TGFBRAP1: variants seen among roughly 807,000 people sequenced by gnomAD.
TGFBRAP1 encodes transforming growth factor-beta receptor-associated protein 1.
In TGFBRAP1, 20 loss-of-function variants were observed where a neutral mutation model predicts 83.2. The ratio of observed to expected loss-of-function variants is 0.24; its 90% CI spans 0.17 to 0.35. The LOEUF (loss-of-function observed/expected upper bound fraction) is 0.35. TGFBRAP1 is among the 10% of genes least tolerant of loss of function. TGFBRAP1 has a pLI of 1.00. For missense variants in TGFBRAP1, 950 were observed against 1,099.4 expected, an observed-to-expected ratio of 0.86 and a Z score of 1.92; for synonymous variants, 415 against 459.8, an observed-to-expected ratio of 0.90 and a Z score of 1.25.
At chr2:105,308,435 C>A in intron 1 of TGFBRAP1, 117 bp from the exon 2 acceptor site, 1 of 1,089,214 alleles carries the variant, frequency 9.2e-7, no homozygotes, top group Non-Finnish European at 1.3e-6. Context: ...AGTCATTCCA[C>A]GCTATCAAAA....
intron 1 of TGFBRAP1, among the ~76,000 whole-genome samples, chr2:105,314,151 A>C (rs1187801177): frequency 6.6e-6 from 1 of 152,074 alleles, no homozygotes; most frequent in African/African-American, 2.4e-5. Context: ...AAGCTAAGGA[A>C]TGTCTGAAGT....
At position 105,317,394 on chromosome 2, in the gene TGFBRAP1, G is replaced by A. The variant is rs563292592; in HGVS notation, c.-17-9076C>T. Among the ~76,000 whole-genome samples, 27 of 150,396 alleles carry A rather than the reference G, an allele frequency of 1.8e-4. No individual in the cohort carries two copies. The South Asian group carries it at 5.4e-3, about 30-fold the overall frequency. On this transcript the variant is annotated intron_variant, in intron 1 of 11. Coordinates refer to ENST00000393359, the MANE Select transcript of TGFBRAP1 (RefSeq NM_004257.6). ...GGAGATTGCAGTGAGCCAAGATCGT[G>A]CCACTGCACTCCAGCCTGGCGACAG...
At chr2:105,268,829 G>A (rs543604833) in intron 11 of TGFBRAP1, among the ~76,000 whole-genome samples, 75 of 152,324 alleles carry the variant, frequency 4.9e-4, no homozygotes, top group African/African-American at 1.7e-3. Flanking sequence ...GGCAGCTCTG[G>A]GCACGCCCAT....
chr2:105,301,870 G>T (rs981390320), intron 2 of TGFBRAP1, among the ~76,000 whole-genome samples: 5 of 151,976 alleles, frequency 3.3e-5, no homozygotes, highest in African/African-American at 9.7e-5. Context: ...TCCTGTGGCT[G>T]GGACCACAAG....
intron 1 of TGFBRAP1, among the ~76,000 whole-genome samples, chr2:105,321,702 A>C (rs1679073247): frequency 6.6e-6 from 1 of 152,212 alleles, no homozygotes; most frequent in South Asian, 2.1e-4. Flanking sequence ...TGGTCCCATA[A>C]GGTTATAATG....
rs1678095392 is a variant in TGFBRAP1, at chr2:105,296,541, G to A, written c.884-31C>T. The stretch of plus-strand genomic sequence containing the variant: ...AAGAAATTCAGCATTGTTGGAAAGA[G>A]AAAAAACACACTGCCTGCAAAAAAA... On this transcript the variant is annotated intron_variant, in intron 3 of 11. Coordinates refer to ENST00000393359, the MANE Select transcript of TGFBRAP1 (RefSeq NM_004257.6). 3.2e-6 allele frequency: 5 copies of A among 1,586,748 alleles called. No individual in the cohort carries two copies. The Middle Eastern group carries it at 5.1e-4, about 160-fold the overall frequency.
At chr2:105,289,208 T>TG (rs140069048) in intron 4 of TGFBRAP1, among the ~76,000 whole-genome samples, 23,518 of 148,956 alleles carry the variant, frequency 0.16, 2,286 homozygotes, top group South Asian at 0.24. Context: ...AAAAAAAAAG[T>TG]GGGGGGGTGC....
intron 4 of TGFBRAP1, 85 bp downstream of exon 4, chr2:105,296,271 G>T: frequency 6.5e-7 from 1 of 1,529,324 alleles, no homozygotes; most frequent in South Asian, 1.2e-5. Flanking sequence ...CGGTACACAG[G>T]AAGGGCCGAT....
intron 1 of TGFBRAP1, among the ~76,000 whole-genome samples, chr2:105,318,469 C>T (rs372230486): frequency 1.3e-5 from 2 of 152,060 alleles, no homozygotes; most frequent in Non-Finnish European, 2.9e-5. Context: ...AAAATATACA[C>T]GTACATGTAG....
intron 4 of TGFBRAP1, among the ~76,000 whole-genome samples, chr2:105,293,439 A>C (rs1414359823): frequency 6.6e-6 from 1 of 152,192 alleles, no homozygotes; most frequent in Non-Finnish European, 1.5e-5. Context: ...ACTTCTTGAC[A>C]AACCCCTTGC....
intron 4 of TGFBRAP1, among the ~76,000 whole-genome samples, chr2:105,287,327 C>T (rs1266410702): frequency 6.6e-6 from 1 of 152,140 alleles, no homozygotes; most frequent in Non-Finnish European, 1.5e-5. Flanking sequence ...CACAGAACTA[C>T]ACACTTAAAA....
At chr2:105,259,934 A>G (rs1252053569), downstream of TGFBRAP1, among the ~76,000 whole-genome samples, 2 of 152,336 alleles carry the variant, frequency 1.3e-5, no homozygotes, top group East Asian at 3.9e-4. Flanking sequence ...GGATTAGGAC[A>G]ATAAGCAGAC....
chr2:105,278,063 A>AAT (rs1187990382), intron 6 of TGFBRAP1, among the ~76,000 whole-genome samples: 17 of 125,514 alleles, frequency 1.4e-4, no homozygotes, highest in African/African-American at 4.4e-4. Context: ...TGTCTCAAAA[A>AAT]ATATATGTGT....
the TGFBRAP1 span, among the ~76,000 whole-genome samples, chr2:105,251,109 C>A: frequency 3.9e-5 from 6 of 152,212 alleles, no homozygotes; most frequent in African/African-American, 1.4e-4. Flanking sequence ...CTCTGCCCCG[C>A]CGCCCATCGT....
At chr2:105,260,627 G>T (rs1397560792), downstream of TGFBRAP1, among the ~76,000 whole-genome samples, 1 of 152,100 alleles carries the variant, frequency 6.6e-6, no homozygotes. Flanking sequence ...ATGGGGACAG[G>T]GTTTCTGTTC....
the TGFBRAP1 span, among the ~76,000 whole-genome samples, chr2:105,257,677 T>G: frequency 6.6e-6 from 1 of 152,268 alleles, no homozygotes; most frequent in African/African-American, 2.4e-5. Context: ...GTGCATAGAC[T>G]ATTTGGATGC....
intron 1 of TGFBRAP1, among the ~76,000 whole-genome samples, chr2:105,309,532 G>C (rs893499645): frequency 6.6e-6 from 1 of 152,216 alleles, no homozygotes; most frequent in African/African-American, 2.4e-5. Context: ...GAAGGAATCA[G>C]AGAACTTCTT....
At chr2:105,294,274 G>A (rs576066220) in intron 4 of TGFBRAP1, among the ~76,000 whole-genome samples, 76 of 151,646 alleles carry the variant, frequency 5.0e-4, no homozygotes, top group African/African-American at 1.7e-3. Context: ...AGGCAGAAAT[G>A]TAGAATGTAG....
chr2:105,286,599 C>T (rs1646451328), intron 4 of TGFBRAP1, among the ~76,000 whole-genome samples: 1 of 152,200 alleles, frequency 6.6e-6, no homozygotes, highest in Non-Finnish European at 1.5e-5. Context: ...CATTATAAGG[C>T]AGTGGTGCAA....
Sources: gnomAD v4.1 joint callset for allele counts (sites outside exome capture counted in the v4.1 genomes callset) on GRCh38, gnomAD v4.1.1 for gene constraint, MANE v1.5 for transcripts, NCBI Gene and HGNC (gene_info 2026-07-23, HGNC 2026-07-21) for gene names.